The following CCL17 variants were observed in gnomAD, a reference collection of about 807,000 sequenced individuals.
CCL17 encodes C-C motif chemokine ligand 17, also known as C-C motif chemokine 17.
In CCL17, 8 loss-of-function variants were observed where a neutral mutation model predicts 7.4. The ratio of observed to expected loss-of-function variants is 1.09; its 90% CI spans 0.64 to 1.96. CCL17 has a LOEUF of 1.96. CCL17 is among the 30% of genes most tolerant of loss of function. The probability of loss-of-function intolerance (pLI) is 0.00; values close to 1 mark genes in which losing one functional copy is unlikely to be tolerated. For missense variants in CCL17, 102 were observed against 113.0 expected (o/e 0.90, Z 0.44); for synonymous variants, 40 against 46.1 (o/e 0.87, Z 0.54).
intron 1 of CCL17, among the ~76,000 whole-genome samples, chr16:57,408,118 T>C (rs1902726010): frequency 6.6e-6 from 1 of 151,920 alleles, no homozygotes; most frequent in Non-Finnish European, 1.5e-5. Context: ...TACCCATCCA[T>C]CTATCCATCC....
upstream of CCL17, among the ~76,000 whole-genome samples, chr16:57,401,524 GAAAA>G (rs148565902): frequency 8.1e-6 from 1 of 124,132 alleles, no homozygotes. Flanking sequence ...ACTCTGTCTG[GAAAA>G]AAAAAAAAAA....
At chr16:57,412,636 T>A (rs1902802872) in intron 1 of CCL17, among the ~76,000 whole-genome samples, 2 of 152,060 alleles carry the variant, frequency 1.3e-5, no homozygotes, top group South Asian at 4.2e-4. Flanking sequence ...TCATTTTGAG[T>A]TGGCCCTGGT....
At chr16:57,408,351 C>T (rs1411705158) in intron 1 of CCL17, among the ~76,000 whole-genome samples, 10 of 152,174 alleles carry the variant, frequency 6.6e-5, no homozygotes, top group Non-Finnish European at 1.2e-4. Flanking sequence ...CATCCATATC[C>T]ATTCACCCAT....
upstream of CCL17, among the ~76,000 whole-genome samples, chr16:57,403,526 G>T (rs1194797343): frequency 8.1e-4 from 18 of 22,168 alleles, 3 homozygotes; most frequent in African/African-American, 4.4e-3. Flanking sequence ...TTATATATAT[G>T]TTATATATAT....
the CCL17 span, among the ~76,000 whole-genome samples, chr16:57,399,453 A>AT: frequency 2.6e-5 from 4 of 151,684 alleles, no homozygotes; most frequent in African/African-American, 7.3e-5. Context: ...TTACTTATTT[A>AT]TTTTTTTTAT....
At chr16:57,397,017 A>G in the CCL17 span, among the ~76,000 whole-genome samples, 3 of 152,176 alleles carry the variant, frequency 2.0e-5, no homozygotes, top group Non-Finnish European at 2.9e-5. Flanking sequence ...CCACTTCCTG[A>G]TCCTTCTCTG....
chr16:57,402,541 A>C (rs1450403012), upstream of CCL17, among the ~76,000 whole-genome samples: 4 of 152,168 alleles, frequency 2.6e-5, no homozygotes, highest in Non-Finnish European at 5.9e-5. Flanking sequence ...CTGTCACTAC[A>C]CCCTGAGGGG....
intron 1 of CCL17, among the ~76,000 whole-genome samples, chr16:57,413,468 C>T (rs1902817710): frequency 6.6e-6 from 1 of 152,096 alleles, no homozygotes; most frequent in South Asian, 2.1e-4. Flanking sequence ...CACTCATGGT[C>T]CAGGAGAAGA....
At chr16:57,409,285 C>T (rs757307) in intron 1 of CCL17, among the ~76,000 whole-genome samples, 6,544 of 152,234 alleles carry the variant, frequency 0.043, 186 homozygotes, top group Middle Eastern at 0.085. Flanking sequence ...ATGTTCCAGA[C>T]AGGAAGAACA....
chr16:57,403,418 ATAT>A (rs1200197452), upstream of CCL17, among the ~76,000 whole-genome samples: 22 of 17,302 alleles, frequency 1.3e-3, 3 homozygotes, highest in Admixed American at 8.4e-3. Context: ...TATATATATT[ATAT>A]TATAATATAT....
chr16:57,396,830 A>G, the CCL17 span, among the ~76,000 whole-genome samples: 2 of 152,206 alleles, frequency 1.3e-5, no homozygotes, highest in African/African-American at 2.4e-5. Context: ...AACAGGTTGC[A>G]TTGGATGCAT....
chr16:57,415,891 T>A lies in CCL17; in HGVS notation c.*30T>A. 1 of 1,429,718 alleles carries A rather than the reference T, an allele frequency of 7.0e-7. No individual in the cohort carries two copies. Among genetic ancestry groups the A allele is most frequent in the Non-Finnish European group, 9.9e-7 (1 of 1,012,028 alleles). 88.6% of individuals were successfully genotyped at this position (1,429,718 alleles called of 1,614,324 possible). ...TCCTCACCCCAGACTCCTGACTGTC[T>A]CCCGGGACTACCTGGGACCTCCACC... On this transcript the variant is annotated 3_prime_UTR_variant, in exon 4 of 4. Coordinates refer to ENST00000219244, the MANE Select transcript of CCL17 (RefSeq NM_002987.3). The surrounding 1 kb of genome is among the most constrained non-coding windows in gnomAD (Gnocchi z 4.5).
the CCL17 span, among the ~76,000 whole-genome samples, chr16:57,397,243 C>T: frequency 2.6e-5 from 4 of 152,162 alleles, no homozygotes; most frequent in South Asian, 2.1e-4. Context: ...TCGGATGGTC[C>T]GGAGGAGATT....
At chr16:57,403,975 G>A (rs780342323), upstream of CCL17, among the ~76,000 whole-genome samples, 27 of 151,954 alleles carry the variant, frequency 1.8e-4, no homozygotes, top group Admixed American at 1.3e-4. Flanking sequence ...TTTGAAAAAG[G>A]TGAAGGAGTG....
upstream of CCL17, among the ~76,000 whole-genome samples, chr16:57,404,289 G>A (rs1902663610): frequency 6.6e-6 from 1 of 152,150 alleles, no homozygotes; most frequent in South Asian, 2.1e-4. Context: ...ATACACTGTA[G>A]GGGGCAAGGA....
At chr16:57,409,701 G>A (rs1351221101) in intron 1 of CCL17, among the ~76,000 whole-genome samples, 2 of 152,150 alleles carry the variant, frequency 1.3e-5, no homozygotes, top group African/African-American at 4.8e-5. Flanking sequence ...AGAGCCCAGG[G>A]ACAGAGATGA....
At chr16:57,403,457 A>AT, upstream of CCL17, among the ~76,000 whole-genome samples, 1 of 11,824 alleles carries the variant, frequency 8.5e-5, no homozygotes, top group Admixed American at 1.9e-3. Context: ...TTATATTATA[A>AT]TATATATTAT....
At chr16:57,414,037 C>T in intron 2 of CCL17, 35 bp downstream of exon 2, 1 of 1,582,860 alleles carries the variant, frequency 6.3e-7, no homozygotes, top group South Asian at 1.1e-5. Flanking sequence ...GGGGCAGGCA[C>T]CGGGAGGACA....
At chr16:57,400,369 T>A (rs1039980286), upstream of CCL17, among the ~76,000 whole-genome samples, 7 of 151,156 alleles carry the variant, frequency 4.6e-5, no homozygotes, top group Non-Finnish European at 1.5e-5. Flanking sequence ...AAAAAAAAAA[T>A]TATAAAATAT....
Sources: allele counts gnomAD v4.1 joint callset (sites outside exome capture counted in the v4.1 genomes callset), GRCh38; gene constraint gnomAD v4.1.1; non-coding constraint Gnocchi (gnomAD v3.1); transcripts MANE v1.5; gene names NCBI Gene and HGNC (gene_info 2026-07-23, HGNC 2026-07-21).